The following ITPKA variants were observed in gnomAD, a reference collection of about 807,000 sequenced individuals.
ITPKA encodes inositol-trisphosphate 3-kinase A, also known as IP3 3-kinase A.
ITPKA carries 16 observed loss-of-function variants against 40.7 expected under a neutral mutation model. The ratio of observed to expected loss-of-function variants is 0.39; its 90% CI spans 0.27 to 0.60. The LOEUF is 0.60. Ranked by LOEUF, ITPKA falls within the 20% of genes least tolerant of loss-of-function variation. ITPKA has a pLI of 0.50. For synonymous variants in ITPKA, 313 were observed against 289.9 expected, an observed-to-expected ratio of 1.08 and a Z score of -0.81; for missense variants, 540 against 649.3, an observed-to-expected ratio of 0.83 and a Z score of 1.83.
rs929158641 is a variant in ITPKA, at chr15:41,502,393, C to T, written c.1009-9C>T. On this transcript the variant is annotated splice_polypyrimidine_tract_variant and intron_variant, in intron 4 of 6. Coordinates refer to ENST00000260386, the MANE Select transcript of ITPKA (RefSeq NM_002220.3). ...CCCGGGGCCCCTGACACTCCTGTCC[C>T]ACATCCAGAAAGCGGACGGCTCCTG... The T allele has an allele frequency of 6.3e-7, 1 of 1,582,042 alleles. No homozygotes were observed. The highest frequency in any genetic ancestry group is 1.1e-5 in the South Asian group (1 of 90,504).
At chr15:41,497,978 C>T (rs1333961309) in intron 1 of ITPKA, among the ~76,000 whole-genome samples, 1 of 152,014 alleles carries the variant, frequency 6.6e-6, no homozygotes, top group Non-Finnish European at 1.5e-5. Context: ...ATGATGAAAC[C>T]CCGTCTCTAC....
In ITPKA at chr15:41,502,483, CA is replaced by C; in HGVS notation, c.1092del (p.Gly365GlufsTer6). 1 of 1,592,816 alleles carries C rather than the reference CA, an allele frequency of 6.3e-7. No individual in the cohort carries two copies. Among genetic ancestry groups the C allele is most frequent in the Non-Finnish European group, 8.6e-7 (1 of 1,161,458 alleles). ...GCTTCGCGTCTTTGAAGAGTTTGTG[CA>C]AGGAGATGAGGAAGTGCTGGTGAGA... Reference protein sequence around the residue: ...QVLRVFEEFVQGDEEVLRRYL... With the variant: ...QVLRVFEEFVXGDEEVLRRYL... On this transcript the variant is annotated frameshift_variant, in exon 5 of 7. Transcript: ENST00000260386. LOFTEE classifies it high-confidence loss of function.
chr15:41,494,445 C>A lies in ITPKA; in HGVS notation c.489+29C>A. On this transcript the variant is annotated intron_variant, in intron 1 of 6. Transcript: ENST00000260386. This position sits in a 1 kb window ranked among gnomAD's most constrained non-coding sequence, Gnocchi z 7.8. ...CGGGCCGCGGGGGCGGGGCCAGCGCCGGGCGCGGGGGCTGCACGGGGGACC... is the reference window on the plus strand; with the variant it reads ...CGGGCCGCGGGGGCGGGGCCAGCGCAGGGCGCGGGGGCTGCACGGGGGACC... The A allele has an allele frequency of 7.3e-7, 1 of 1,372,930 alleles. No homozygotes were observed. Among genetic ancestry groups the A allele is most frequent in the South Asian group, 1.6e-5 (1 of 63,408 alleles). 85.0% of individuals were successfully genotyped at this position (1,372,930 alleles called of 1,614,324 possible).
chr15:41,501,253 A>G (rs1204478809), intron 1 of ITPKA: 16 of 925,150 alleles, frequency 1.7e-5, no homozygotes, highest in Non-Finnish European at 2.1e-5. Flanking sequence ...CTCACTGGAG[A>G]CGCTGGAATC....
At chr15:41,499,696 A>T (rs1235295646) in intron 1 of ITPKA, among the ~76,000 whole-genome samples, 1 of 152,138 alleles carries the variant, frequency 6.6e-6, no homozygotes, top group African/African-American at 2.4e-5. Context: ...TAACTGTGCT[A>T]AAAGGCAAGT....
In ITPKA at chr15:41,493,922, T is replaced by C. The variant is rs1001374657; in HGVS notation, c.-6T>C. On this transcript the variant is annotated 5_prime_UTR_variant, in exon 1 of 7. Transcript: ENST00000260386. ...GTGGGCTCAGCGGCGGCGCCGGCAC[T>C]GGGAAATGACCCTGCCCGGGGGCCC... 2 of 1,012,230 alleles carry C rather than the reference T, an allele frequency of 2.0e-6. No homozygotes were observed. Among genetic ancestry groups the C allele is most frequent in the Non-Finnish European group, 2.4e-6 (2 of 849,056 alleles). 62.7% of individuals were successfully genotyped at this position (1,012,230 alleles called of 1,614,324 possible).
chr15:41,493,942 G>C lies in ITPKA; in HGVS notation c.15G>C (p.Gly5=). 1 of 1,027,436 alleles carries C rather than the reference G, an allele frequency of 9.7e-7. No individual in the cohort carries two copies. The highest frequency in any genetic ancestry group is 1.2e-6 in the Non-Finnish European group (1 of 857,208). 63.6% of individuals were successfully genotyped at this position (1,027,436 alleles called of 1,614,324 possible). Residue 5 remains glycine, a synonymous_variant, in exon 1 of 7, where the codon GGG becomes GGC. Transcript: ENST00000260386. MTLP[G]GPTGMARPGG... ...GGCACTGGGAAATGACCCTGCCCGG[G>C]GGCCCAACGGGCATGGCGCGGCCGG...
At position 41,494,382 on chromosome 15, in the gene ITPKA, A is replaced by C; in HGVS notation, c.455A>C (p.Asn152Thr). 1 of 1,496,284 alleles carries C rather than the reference A, an allele frequency of 6.7e-7. No homozygotes were observed. The highest frequency in any genetic ancestry group is 8.9e-7 in the Non-Finnish European group (1 of 1,126,584). 92.7% of individuals were successfully genotyped at this position (1,496,284 alleles called of 1,614,324 possible). The change falls in exon 1 of 7, where the codon AAC becomes ACC. Residue 152 changes from asparagine to threonine, a missense_variant. Asn to Thr is a moderately conservative substitution (Grantham distance 65). Transcript: ENST00000260386. The surrounding 1 kb of genome is among the most constrained non-coding windows in gnomAD (Gnocchi z 7.8). ...GACAGTGAGAGCCGGAGCCGCGGCA[A>C]CGTGCAGCTGGAAGCGGGCGAGGAC... ...LSDSESRSRG[N>T]VQLEAGEDVG...
chr15:41,494,292 C>T lies in ITPKA; in HGVS notation c.365C>T (p.Thr122Ile), dbSNP rs764675857. The T allele has an allele frequency of 6.5e-7, 1 of 1,547,014 alleles. No individual in the cohort carries two copies. Among genetic ancestry groups the T allele is most frequent in the South Asian group, 1.2e-5 (1 of 83,662 alleles). ...SHLQQPRRLS[T>I]SSVSSTGSSS... Reference sequence around the variant, plus strand: ...CTGCAGCAGCCGCGCCGCCTTTCCACCTCGTCGGTCTCCTCCACTGGCTCC... The same window carrying T: ...CTGCAGCAGCCGCGCCGCCTTTCCATCTCGTCGGTCTCCTCCACTGGCTCC... The change falls in exon 1 of 7, where the codon ACC becomes ATC. Residue 122 changes from threonine (T) to isoleucine (I), a missense_variant. Thr to Ile is a moderately conservative substitution (Grantham distance 89, BLOSUM62 -1). Transcript: ENST00000260386. This position sits in a 1 kb window ranked among gnomAD's most constrained non-coding sequence, Gnocchi z 7.8.
In ITPKA at chr15:41,495,895, G is replaced by A. The variant is rs138937875; in HGVS notation, c.489+1479G>A. Among the ~76,000 whole-genome samples, 663 of 152,356 alleles carry A rather than the reference G, an allele frequency of 4.4e-3. 8 individuals are homozygous for A. The highest frequency in any genetic ancestry group is 0.015 in the African/African-American group (636 of 41,584). On this transcript the variant is annotated intron_variant, in intron 1 of 6. Transcript: ENST00000260386. ...GCGAAGTGCCTGGGAGAGGGAGTGCGCTAGGAGGAGGTCCTGCGGCCCAAG... is the reference window on the plus strand; with the variant it reads ...GCGAAGTGCCTGGGAGAGGGAGTGCACTAGGAGGAGGTCCTGCGGCCCAAG...
intron 5 of ITPKA, 64 bp from the exon 6 acceptor site, chr15:41,502,724 C>T (rs1231851059): frequency 7.0e-7 from 1 of 1,434,726 alleles, no homozygotes; most frequent in Non-Finnish European, 9.5e-7. Flanking sequence ...GGCTCCTCAT[C>T]GTTAGCAGGG....
At chr15:41,496,304 C>T (rs2051070542) in intron 1 of ITPKA, among the ~76,000 whole-genome samples, 1 of 152,170 alleles carries the variant, frequency 6.6e-6, no homozygotes, top group South Asian at 2.1e-4. Context: ...CTAGGACTCC[C>T]GGCTTACCAG....
In ITPKA at chr15:41,501,765, G is replaced by A; in HGVS notation, c.717G>A (p.Glu239=). ...TGCCTGCCTTCCACGGCGTGGTGGA[G>A]CGCGACGGCGAAAGCTACCTGCAGC... ...GCVPAFHGVV[E]RDGESYLQLQ... Residue 239 remains glutamate, a synonymous_variant, in exon 3 of 7, where the codon GAG becomes GAA. Coordinates refer to ENST00000260386, the MANE Select transcript of ITPKA (RefSeq NM_002220.3). 6.2e-7 allele frequency: 1 copy of A among 1,612,986 alleles called. No individual in the cohort carries two copies. Among genetic ancestry groups the A allele is most frequent in the East Asian group, 2.2e-5 (1 of 44,870 alleles).
chr15:41,496,928 G>C (rs923221003), intron 1 of ITPKA, among the ~76,000 whole-genome samples: 2 of 152,216 alleles, frequency 1.3e-5, no homozygotes, highest in Non-Finnish European at 2.9e-5. Context: ...CTGGTAGAGA[G>C]CTTCAACCAG....
rs754403223 is a variant in ITPKA, at chr15:41,501,575, G to C, written c.586+16G>C. On this transcript the variant is annotated intron_variant, in intron 2 of 6. Coordinates refer to ENST00000260386, the MANE Select transcript of ITPKA (RefSeq NM_002220.3). Reference sequence around the variant, plus strand: ...GGGCACACTGGTGAGCAGTGGGGCGGGTGGGCGGGTGCCCGCGACGGGAAG... The same window carrying C: ...GGGCACACTGGTGAGCAGTGGGGCGCGTGGGCGGGTGCCCGCGACGGGAAG... The C allele has an allele frequency of 1.0e-6, 1 of 971,384 alleles. No homozygotes were observed. Among genetic ancestry groups the C allele is most frequent in the South Asian group, 1.4e-5 (1 of 72,928 alleles). 60.2% of individuals were successfully genotyped at this position (971,384 alleles called of 1,614,324 possible). A position where few individuals can be genotyped will look rare whatever the true frequency, so the allele number is the denominator to read the frequency against.
chr15:41,502,449 A>G lies in ITPKA; in HGVS notation c.1056A>G (p.Arg352=). The change falls in exon 5 of 7, where the codon CGA becomes CGG. Residue 352 remains arginine (R), a synonymous_variant. Transcript: ENST00000260386. ...CCGACTTCAAGACTACGCGAAGCCG[A>G]GAGCAGGTGCTTCGCGTCTTTGAAG... The part of the protein sequence containing the change: ...CSTDFKTTRS[R]EQVLRVFEEF... 3 of 1,603,880 alleles carry G rather than the reference A, an allele frequency of 1.9e-6. No homozygotes were observed. Among genetic ancestry groups the G allele is most frequent in the Non-Finnish European group, 2.6e-6 (3 of 1,171,458 alleles).
intron 1 of ITPKA, 169 bp from the exon 2 acceptor site, chr15:41,501,294 A>C (rs927971857): frequency 1.4e-6 from 2 of 1,442,142 alleles, no homozygotes; most frequent in African/African-American, 2.9e-5. Context: ...AGCACCCGCC[A>C]CACAGGCGCA....
rs2140681130 is a variant in ITPKA at position 41,503,346 on chromosome 15, G to A, written c.*180G>A. On this transcript the variant is annotated 3_prime_UTR_variant, in exon 7 of 7. Coordinates refer to ENST00000260386, the MANE Select transcript of ITPKA (RefSeq NM_002220.3). ...CCGATGCCAGGGGTTTTGCCCACCCGGGCCCCAGCGTTCCCAGAGCCAAAT... is the reference window on the plus strand; with the variant it reads ...CCGATGCCAGGGGTTTTGCCCACCCAGGCCCCAGCGTTCCCAGAGCCAAAT... 1.6e-6 allele frequency: 1 copy of A among 606,534 alleles called. No individual in the cohort carries two copies. The highest frequency in any genetic ancestry group is 2.9e-6 in the Non-Finnish European group (1 of 343,072). The allele number at this position is 606,534 out of a possible 1,614,324, so 37.6% of individuals were successfully genotyped here. A position where few individuals can be genotyped will look rare whatever the true frequency, so the allele number is the denominator to read the frequency against.
At chr15:41,498,595 A>G (rs1283646990) in intron 1 of ITPKA, among the ~76,000 whole-genome samples, 1 of 152,184 alleles carries the variant, frequency 6.6e-6, no homozygotes, top group Non-Finnish European at 1.5e-5. Flanking sequence ...ACCCAAGGCA[A>G]GTTTCCTCTT....
Sources: allele counts gnomAD v4.1 joint callset (sites outside exome capture counted in the v4.1 genomes callset), GRCh38; gene constraint gnomAD v4.1.1; non-coding constraint Gnocchi (gnomAD v3.1); transcripts MANE v1.5; gene names NCBI Gene and HGNC (gene_info 2026-07-23, HGNC 2026-07-21).